AGMO: variants seen among roughly 807,000 people sequenced by gnomAD.
AGMO encodes the protein alkylglycerol monooxygenase.
A neutral mutation model predicts 60.2 loss-of-function variants in AGMO; 75 were observed. The observed-to-expected ratio is 1.25, with a 90% CI of 1.03 to 1.51. The LOEUF is 1.51. Ranked by LOEUF, AGMO falls within the 40% of genes most tolerant of loss-of-function variation. The pLI is 0.00. For synonymous variants in AGMO, 261 were observed against 177.1 expected (o/e 1.47, Z -3.76); for missense variants, 763 against 525.5 (o/e 1.45, Z -4.42).
chr7:15,486,478 T>G (rs530318522), intron 3 of AGMO, among the ~76,000 whole-genome samples: 1 of 152,330 alleles, frequency 6.6e-6, no homozygotes, highest in African/African-American at 2.4e-5. Flanking sequence ...ACTGCTGAAT[T>G]TTTTGTAAGC....
At chr7:15,368,621 C>G (rs1200978842) in intron 10 of AGMO, among the ~76,000 whole-genome samples, 1 of 152,028 alleles carries the variant, frequency 6.6e-6, no homozygotes, top group African/African-American at 2.4e-5. Context: ...GAGTGTTTGG[C>G]ACAGAGTAAA....
At chr7:15,386,980 A>C (rs1783940326) in intron 9 of AGMO, among the ~76,000 whole-genome samples, 1 of 152,138 alleles carries the variant, frequency 6.6e-6, no homozygotes, top group Non-Finnish European at 1.5e-5. Context: ...TCTTAATGTG[A>C]CTTTAGATAC....
chr7:15,220,069 T>C (rs1781870504), intron 12 of AGMO, among the ~76,000 whole-genome samples: 1 of 152,144 alleles, frequency 6.6e-6, no homozygotes, highest in South Asian at 2.1e-4. Context: ...TGGAATCTTC[T>C]ATGATGTCCA....
Position 15,471,369 on chromosome 7 carries a change from T to C in AGMO, c.410-40261A>G, listed in dbSNP as rs529419359. Among the ~76,000 whole-genome samples, 4 of 151,834 alleles carry C rather than the reference T, an allele frequency of 2.6e-5. No individual in the cohort carries two copies. In the South Asian group the frequency reaches 8.3e-4, roughly 32 times the overall value. Reference sequence around the variant, plus strand: ...AAATAGTAAAAAGAAAAATTCAACATAATAATTATGAGTCTACACAGGACC... The same window carrying C: ...AAATAGTAAAAAGAAAAATTCAACACAATAATTATGAGTCTACACAGGACC... On this transcript the variant is annotated intron_variant, in intron 3 of 12. Transcript: ENST00000342526.
chr7:15,240,027 T>C (rs1381052187), intron 12 of AGMO, among the ~76,000 whole-genome samples: 1 of 152,176 alleles, frequency 6.6e-6, no homozygotes, highest in Non-Finnish European at 1.5e-5. Context: ...CAACTTCTGC[T>C]GCAACTCATT....
chr7:15,189,966 T>C, the AGMO span, among the ~76,000 whole-genome samples: 4 of 150,922 alleles, frequency 2.7e-5, no homozygotes, highest in East Asian at 1.9e-4. Context: ...CTTTTGTGTT[T>C]TGGGACCTTC....
At chr7:15,296,411 C>T (rs182663964) in intron 12 of AGMO, among the ~76,000 whole-genome samples, 4 of 152,240 alleles carry the variant, frequency 2.6e-5, no homozygotes, top group Non-Finnish European at 1.5e-5. Context: ...CAACTAGAAG[C>T]GTGATATTAA....
chr7:15,209,767 AGCT>A (rs577711250), intron 12 of AGMO, among the ~76,000 whole-genome samples: 84 of 152,304 alleles, frequency 5.5e-4, no homozygotes, highest in South Asian at 1.0e-3. Context: ...AGAAAGCCAC[AGCT>A]GCTTTCCTGA....
At chr7:15,136,440 C>G in the AGMO span, among the ~76,000 whole-genome samples, 4 of 152,164 alleles carry the variant, frequency 2.6e-5, no homozygotes, top group African/African-American at 9.7e-5. Flanking sequence ...CACCCACATT[C>G]CTTTCTGCAG....
chr7:15,306,632 G>T (rs1267431019), intron 12 of AGMO: 3 of 401,084 alleles, frequency 7.5e-6, no homozygotes, highest in Non-Finnish European at 1.5e-5. Flanking sequence ...AAGTTAATAT[G>T]GTTTATGGCA....
chr7:15,212,707 G>A (rs1781629640), intron 12 of AGMO, among the ~76,000 whole-genome samples: 1 of 151,878 alleles, frequency 6.6e-6, no homozygotes, highest in Non-Finnish European at 1.5e-5. Flanking sequence ...AGTATTCCCT[G>A]AAGTAACCAT....
At chr7:15,285,668 A>G (rs1167952688) in intron 12 of AGMO, among the ~76,000 whole-genome samples, 2 of 152,116 alleles carry the variant, frequency 1.3e-5, no homozygotes, top group African/African-American at 2.4e-5. Context: ...TACAGATTCA[A>G]TGCAATTCCT....
rs529928758 is a variant in AGMO, at chr7:15,499,157, A to G, written c.409+45615T>C. ...ATAGATAAAAACTCCGATACAGCAC[A>G]TTTCTGCCTGTCTTTTCCGTCTAGA... On this transcript the variant is annotated intron_variant, in intron 3 of 12. Coordinates refer to ENST00000342526, the MANE Select transcript of AGMO (RefSeq NM_001004320.2). Among the ~76,000 whole-genome samples the G allele has an allele frequency of 9.2e-4, 140 of 151,948 alleles. 2 individuals carry two copies. The highest frequency in any genetic ancestry group is 3.2e-3 in the African/African-American group (133 of 41,516).
chr7:15,488,162 T>G (rs1018444914), intron 3 of AGMO, among the ~76,000 whole-genome samples: 7 of 152,208 alleles, frequency 4.6e-5, no homozygotes, highest in Non-Finnish European at 1.0e-4. Flanking sequence ...AGTTCTTAAG[T>G]TATTCAACCT....
intron 12 of AGMO, among the ~76,000 whole-genome samples, chr7:15,230,187 G>A (rs1322172357): frequency 6.6e-6 from 1 of 152,080 alleles, no homozygotes; most frequent in Non-Finnish European, 1.5e-5. Context: ...ACCAGCAGCA[G>A]CATATTGGTG....
chr7:15,339,955 T>A (rs1781788034), intron 12 of AGMO, among the ~76,000 whole-genome samples: 1 of 152,192 alleles, frequency 6.6e-6, no homozygotes, highest in Non-Finnish European at 1.5e-5. Flanking sequence ...AGTTATTGGA[T>A]ATCAACAAGT....
At chr7:15,561,433 G>A (rs1052770608) in intron 1 of AGMO, among the ~76,000 whole-genome samples, 2 of 152,180 alleles carry the variant, frequency 1.3e-5, no homozygotes, top group African/African-American at 4.8e-5. Flanking sequence ...GCTTCCAATA[G>A]CTACATTTAC....
At chr7:15,181,873 T>C in the AGMO span, among the ~76,000 whole-genome samples, 6 of 152,126 alleles carry the variant, frequency 3.9e-5, no homozygotes, top group African/African-American at 1.4e-4. Flanking sequence ...GCAGATAAAA[T>C]CTGTAATCTA....
the AGMO span, among the ~76,000 whole-genome samples, chr7:15,191,601 C>T: frequency 2.0e-5 from 3 of 152,084 alleles, no homozygotes; most frequent in Admixed American, 6.5e-5. Context: ...TTAAGGGCAA[C>T]GAAGTAAGTC....
Sources: gnomAD v4.1 joint callset for allele counts (sites outside exome capture counted in the v4.1 genomes callset) on GRCh38, gnomAD v4.1.1 for gene constraint, MANE v1.5 for transcripts, NCBI Gene and HGNC (gene_info 2026-07-23, HGNC 2026-07-21) for gene names.